The following FSTL1 variants were observed in gnomAD, a reference collection of about 807,000 sequenced individuals.
FSTL1 encodes follistatin-related protein 1.
In FSTL1, 24 loss-of-function variants were observed where a neutral mutation model predicts 45.9. That is an observed-to-expected ratio of 0.52 (90% confidence interval 0.38 to 0.74). The LOEUF is 0.74. Ranked by LOEUF, FSTL1 falls within the 30% of genes least tolerant of loss-of-function variation. FSTL1 has a pLI of 0.00. For synonymous variants in FSTL1, 120 were observed against 137.6 expected, an observed-to-expected ratio of 0.87 and a Z score of 0.89; for missense variants, 340 against 381.8, an observed-to-expected ratio of 0.89 and a Z score of 0.91.
intron 5 of FSTL1, 85 bp from the exon 6 acceptor site, chr3:120,409,747 G>T: frequency 7.5e-7 from 1 of 1,326,868 alleles, no homozygotes; most frequent in Non-Finnish European, 1.1e-6. Context: ...GAGCATCCGT[G>T]CCCATGGTTC....
At chr3:120,437,187 A>G (rs1190763494) in intron 2 of FSTL1, among the ~76,000 whole-genome samples, 1 of 152,224 alleles carries the variant, frequency 6.6e-6, no homozygotes, top group Admixed American at 6.5e-5. Flanking sequence ...ATGTTATGCC[A>G]CAAACTACAA....
intron 2 of FSTL1, among the ~76,000 whole-genome samples, chr3:120,418,607 G>T (rs561101161): frequency 6.6e-6 from 1 of 152,198 alleles, no homozygotes; most frequent in African/African-American, 2.4e-5. Context: ...TATGATGGGG[G>T]TGTGAGTTGC....
intron 9 of FSTL1, 72 bp downstream of exon 9, chr3:120,402,736 C>A (rs538011370): frequency 1.0e-6 from 1 of 972,062 alleles, no homozygotes; most frequent in South Asian, 1.3e-5. Context: ...ATCCCCACCC[C>A]AACTTCTCTC....
chr3:120,450,851 G>C, intron 1 of FSTL1, 46 bp downstream of exon 1: 1 of 768,158 alleles, frequency 1.3e-6, no homozygotes, highest in Non-Finnish European at 2.0e-6. Flanking sequence ...AAGCACCCCC[G>C]GCCGCCCGAA....
intron 2 of FSTL1, among the ~76,000 whole-genome samples, chr3:120,443,552 A>C (rs532656765): frequency 6.7e-6 from 1 of 149,870 alleles, no homozygotes; most frequent in Non-Finnish European, 1.5e-5. Context: ...GAAACAACAA[A>C]AAGTATAGAA....
chr3:120,412,826 G>GCT (rs1261373243), intron 3 of FSTL1, among the ~76,000 whole-genome samples: 1 of 56,330 alleles, frequency 1.8e-5, no homozygotes, highest in Non-Finnish European at 4.3e-5. Flanking sequence ...ATGTGCGCGC[G>GCT]CGCGCGCGCG....
At chr3:120,424,308 TAAC>T (rs1361094592) in intron 2 of FSTL1, among the ~76,000 whole-genome samples, 1 of 151,864 alleles carries the variant, frequency 6.6e-6, no homozygotes, top group African/African-American at 2.4e-5. Flanking sequence ...TCTCTAAAAA[TAAC>T]AACAAAAAAC....
intron 2 of FSTL1, among the ~76,000 whole-genome samples, chr3:120,421,739 G>A (rs1332328155): frequency 1.3e-5 from 2 of 152,140 alleles, no homozygotes. Context: ...GTGTGGCAGG[G>A]GGCACTGCAT....
chr3:120,403,130 T>C (rs1372024302), intron 8 of FSTL1, 112 bp downstream of exon 8: 10 of 752,756 alleles, frequency 1.3e-5, no homozygotes, highest in Non-Finnish European at 2.4e-5. Context: ...TTTAGAATCA[T>C]GGAAGGGGAT....
At chr3:120,429,213 A>T (rs538988670) in intron 2 of FSTL1, among the ~76,000 whole-genome samples, 1 of 152,302 alleles carries the variant, frequency 6.6e-6, no homozygotes, top group African/African-American at 2.4e-5. Context: ...CTCCCTTCAG[A>T]GGGCATCCAA....
chr3:120,428,775 A>AAC lies in FSTL1; in HGVS notation c.64-12749_64-12748insGT, dbSNP rs1559741666. The stretch of plus-strand genomic sequence containing the variant: ...GCAACAACAACAACAACAACAACAA[A>AAC]AAACAGGGACAAAGTCCTGGGAATC... On this transcript the variant is annotated intron_variant, in intron 2 of 10. Coordinates refer to ENST00000295633, the MANE Select transcript of FSTL1 (RefSeq NM_007085.5). 3.6e-5 allele frequency among the ~76,000 whole-genome samples: 5 copies of AAC among 140,162 alleles called. No homozygotes were observed. In the East Asian group the frequency reaches 9.2e-4, roughly 26 times the overall value. 92.0% of individuals were successfully genotyped at this position (140,162 alleles called of 152,430 possible). A position where few individuals can be genotyped will look rare whatever the true frequency, so the allele number is the denominator to read the frequency against.
intron 2 of FSTL1, among the ~76,000 whole-genome samples, chr3:120,430,563 G>A (rs1937458519): frequency 6.6e-6 from 1 of 152,230 alleles, no homozygotes; most frequent in Admixed American, 6.5e-5. Context: ...GTCCAGTTTA[G>A]AGGAATGTTA....
chr3:120,436,549 G>A (rs1937563457), intron 2 of FSTL1, among the ~76,000 whole-genome samples: 1 of 152,198 alleles, frequency 6.6e-6, no homozygotes. Context: ...TAAAGTGAAT[G>A]TCTTTCTCCT....
intron 2 of FSTL1, among the ~76,000 whole-genome samples, chr3:120,435,996 G>C (rs1054833016): frequency 2.0e-5 from 3 of 152,130 alleles, no homozygotes; most frequent in Middle Eastern, 3.4e-3. Flanking sequence ...CAACATAGTG[G>C]GGTAGTCATC....
At chr3:120,410,808 G>A (rs764876395) in intron 5 of FSTL1, 144 bp downstream of exon 5, 1 of 769,842 alleles carries the variant, frequency 1.3e-6, no homozygotes, top group Non-Finnish European at 2.4e-6. Context: ...TTTCTGAGCT[G>A]TGTTGAGGAG....
chr3:120,440,194 C>A (rs1325049609), intron 2 of FSTL1, among the ~76,000 whole-genome samples: 6 of 152,240 alleles, frequency 3.9e-5, no homozygotes, highest in Admixed American at 3.3e-4. Context: ...AAATGCTCCA[C>A]TGTAAAAACT....
rs185182880 is a variant in FSTL1, at chr3:120,422,441, A to G, written c.64-6414T>C. Among the ~76,000 whole-genome samples, 214 of 152,354 alleles carry G rather than the reference A, an allele frequency of 1.4e-3. 3 individuals carry two copies. Among genetic ancestry groups the G allele is most frequent in the Middle Eastern group, 0.014 (4 of 294 alleles). ...CCATATATATGAATATTAAAACATTAAAACATTTGTACACCTTAAATATAT... is the reference window on the plus strand; with the variant it reads ...CCATATATATGAATATTAAAACATTGAAACATTTGTACACCTTAAATATAT... On this transcript the variant is annotated intron_variant, in intron 2 of 10. Coordinates refer to ENST00000295633, the MANE Select transcript of FSTL1 (RefSeq NM_007085.5).
intron 9 of FSTL1, among the ~76,000 whole-genome samples, chr3:120,401,036 C>T (rs953663552): frequency 2.6e-5 from 4 of 152,228 alleles, no homozygotes; most frequent in South Asian, 2.1e-4. Flanking sequence ...AATGACCATG[C>T]TTATTCTATA....
At chr3:120,424,940 C>T (rs1273429404) in intron 2 of FSTL1, among the ~76,000 whole-genome samples, 1 of 151,800 alleles carries the variant, frequency 6.6e-6, no homozygotes, top group Non-Finnish European at 1.5e-5. Flanking sequence ...CTGGGCGTCA[C>T]CTGTGTAGGG....
Sources: allele counts gnomAD v4.1 joint callset (sites outside exome capture counted in the v4.1 genomes callset), GRCh38; gene constraint gnomAD v4.1.1; transcripts MANE v1.5; gene names NCBI Gene and HGNC (gene_info 2026-07-23, HGNC 2026-07-21).